The following TXNDC11 variants were observed in gnomAD, a reference collection of about 807,000 sequenced individuals.
TXNDC11 encodes the protein thioredoxin domain containing 11.
In TXNDC11, 68 loss-of-function variants were observed where a neutral mutation model predicts 78.0. That is an observed-to-expected ratio of 0.87 (90% confidence interval 0.72 to 1.07). The LOEUF is 1.07. Among genes scored for constraint, TXNDC11 ranks in the 50% least tolerant of loss-of-function variants. The pLI is 0.00. For missense variants in TXNDC11, 1,389 were observed against 1,221.8 expected (o/e 1.14, Z -2.04); for synonymous variants, 571 against 495.2 (o/e 1.15, Z -2.03).
chr16:11,729,565 T>C (rs980799694), intron 4 of TXNDC11, among the ~76,000 whole-genome samples: 1 of 152,216 alleles, frequency 6.6e-6, no homozygotes, highest in African/African-American at 2.4e-5. Context: ...AAAATTCAAC[T>C]AGCCACAATT....
chr16:11,723,517 G>A (rs556256717), intron 4 of TXNDC11, among the ~76,000 whole-genome samples: 80 of 152,176 alleles, frequency 5.3e-4, no homozygotes, highest in African/African-American at 1.9e-3. Flanking sequence ...CCAGGGAGGT[G>A]GAGGTTGCAG....
chr16:11,703,225 T>C (rs1253986207), intron 5 of TXNDC11, among the ~76,000 whole-genome samples: 2 of 152,136 alleles, frequency 1.3e-5, no homozygotes, highest in African/African-American at 4.8e-5. Flanking sequence ...CCTAAGTAAC[T>C]GGAAAACAGT....
intron 5 of TXNDC11, among the ~76,000 whole-genome samples, chr16:11,716,222 C>G (rs1337204807): frequency 6.6e-6 from 1 of 152,202 alleles, no homozygotes; most frequent in Non-Finnish European, 1.5e-5. Context: ...TTTTGTAGAT[C>G]AGATGAAAAA....
At chr16:11,717,434 GAAA>G (rs58884197) in intron 5 of TXNDC11, among the ~76,000 whole-genome samples, 55 of 62,308 alleles carry the variant, frequency 8.8e-4, no homozygotes, top group African/African-American at 3.2e-3. Flanking sequence ...GACTCCAAAT[GAAA>G]AAAAAAAAAA....
Position 11,679,616 on chromosome 16 carries a change from C to G in TXNDC11, c.2456G>C (p.Arg819Pro). ...CTGGGACTCCACCTGCACTTGTGCT[C>G]GCTGGAGGCTGCTTATTTCTGCTCT... The part of the protein sequence containing the change: ...KLRAEISSLQ[R>P]AQVQVESQLS... The change falls in exon 12 of 12, where the codon CGA becomes CCA. Residue 819 changes from arginine to proline, a missense_variant. Arg to Pro is a moderately radical substitution (Grantham distance 103). Transcript: ENST00000283033. The surrounding 1 kb of genome is among the most constrained non-coding windows in gnomAD (Gnocchi z 4.6). 6.2e-7 allele frequency: 1 copy of G among 1,614,176 alleles called. No individual in the cohort carries two copies. Among genetic ancestry groups the G allele is most frequent in the East Asian group, 2.2e-5 (1 of 44,886 alleles).
intron 2 of TXNDC11, 42 bp downstream of exon 2, chr16:11,735,975 G>A (rs1392760363): frequency 1.3e-6 from 2 of 1,592,888 alleles, no homozygotes; most frequent in Admixed American, 1.7e-5. Flanking sequence ...CTACATATAG[G>A]ACTGACAGTC....
chr16:11,684,150 A>C lies in TXNDC11; in HGVS notation c.2234+15T>G. On this transcript the variant is annotated intron_variant, in intron 11 of 11. Coordinates refer to ENST00000283033, the MANE Select transcript of TXNDC11 (RefSeq NM_015914.7). ...GAATCCCAACTGCCCACCAGTGACA[A>C]AAATTTGGCATTACCTGTTGCAGGG... 1.2e-6 allele frequency: 2 copies of C among 1,607,506 alleles called. No individual in the cohort carries two copies. The highest frequency in any genetic ancestry group is 1.7e-6 in the Non-Finnish European group (2 of 1,174,220).
chr16:11,687,775 C>A, intron 10 of TXNDC11, 82 bp downstream of exon 10: 1 of 943,146 alleles, frequency 1.1e-6, no homozygotes, highest in South Asian at 1.4e-5. Context: ...ATGGGCAGAC[C>A]CTCACACACC....
chr16:11,693,912 C>T (rs2050786150), intron 7 of TXNDC11, among the ~76,000 whole-genome samples: 1 of 152,138 alleles, frequency 6.6e-6, no homozygotes, highest in African/African-American at 2.4e-5. Flanking sequence ...CAAAAACCTC[C>T]ATAAGACTTC....
rs749950694 is a variant in TXNDC11 at position 11,742,849 on chromosome 16, G to A, written c.-119C>T. The stretch of plus-strand genomic sequence containing the variant: ...GCACCCGCTAACCCGGACGCTCCAC[G>A]TCAGCCGCGCCGCCGCCGCGGGGTC... On this transcript the variant is annotated 5_prime_UTR_variant, in exon 1 of 12. The change creates a new upstream start codon in the 5' untranslated region. Coordinates refer to ENST00000283033, the MANE Select transcript of TXNDC11 (RefSeq NM_015914.7). The A allele has an allele frequency of 7.4e-5, 98 of 1,316,154 alleles. No individual in the cohort carries two copies. The highest frequency in any genetic ancestry group is 9.3e-5 in the Non-Finnish European group (96 of 1,034,692). 81.5% of individuals were successfully genotyped at this position (1,316,154 alleles called of 1,614,324 possible). A position where few individuals can be genotyped will look rare whatever the true frequency, so the allele number is the denominator to read the frequency against.
At chr16:11,727,390 T>G (rs531058738) in intron 4 of TXNDC11, among the ~76,000 whole-genome samples, 45 of 152,276 alleles carry the variant, frequency 3.0e-4, no homozygotes, top group African/African-American at 1.1e-3. Flanking sequence ...TTAATTATTT[T>G]GACCCAATTT....
At chr16:11,707,874 G>A (rs563295604) in intron 5 of TXNDC11, among the ~76,000 whole-genome samples, 2 of 152,174 alleles carry the variant, frequency 1.3e-5, no homozygotes, top group African/African-American at 4.8e-5. Flanking sequence ...CTTGAGGCCA[G>A]GAGGTCAAGA....
At chr16:11,724,534 T>C (rs2051816003) in intron 4 of TXNDC11, among the ~76,000 whole-genome samples, 1 of 152,252 alleles carries the variant, frequency 6.6e-6, no homozygotes, top group Middle Eastern at 3.4e-3. Context: ...GGGGCTGAGA[T>C]GGGAGGATCA....
At chr16:11,714,474 C>G (rs1402790440) in intron 5 of TXNDC11, among the ~76,000 whole-genome samples, 2 of 152,128 alleles carry the variant, frequency 1.3e-5, no homozygotes, top group African/African-American at 4.8e-5. Flanking sequence ...CCCGTCTCTA[C>G]TAAAAAATAC....
intron 11 of TXNDC11, among the ~76,000 whole-genome samples, chr16:11,680,226 G>T (rs979892340): frequency 6.6e-6 from 1 of 151,600 alleles, no homozygotes; most frequent in African/African-American, 2.4e-5. Context: ...GGGGAGGCAG[G>T]AGTGTCCCAC....
intron 4 of TXNDC11, among the ~76,000 whole-genome samples, chr16:11,729,452 T>A (rs538147665): frequency 1.0e-5 from 1 of 95,466 alleles, no homozygotes; most frequent in South Asian, 3.1e-4. Context: ...CTGCTAATAG[T>A]TAACACATAT....
At chr16:11,715,889 C>G (rs944943814) in intron 5 of TXNDC11, among the ~76,000 whole-genome samples, 3 of 152,104 alleles carry the variant, frequency 2.0e-5, no homozygotes, top group African/African-American at 7.2e-5. Flanking sequence ...AGGTAAAATA[C>G]TTATCTGAGG....
Position 11,736,118 on chromosome 16 carries a change from C to A in TXNDC11, c.370G>T (p.Asp124Tyr). ...QLDYAEYVRR[D>Y]SEVVLLFFYA... ...AAGAAGAGCAGTACCACCTCTGAAT[C>A]CCGTCGAACGTACTCTGCATAATCC... is the stretch of plus-strand genomic sequence containing the variant. The change falls in exon 2 of 12, where the codon GAT becomes TAT. Residue 124 changes from aspartate to tyrosine, a missense_variant. Coordinates refer to ENST00000283033, the MANE Select transcript of TXNDC11 (RefSeq NM_015914.7). The A allele has an allele frequency of 6.2e-7, 1 of 1,614,208 alleles. No homozygotes were observed. Among genetic ancestry groups the A allele is most frequent in the Non-Finnish European group, 8.5e-7 (1 of 1,180,040 alleles).
intron 2 of TXNDC11, among the ~76,000 whole-genome samples, chr16:11,735,720 T>C (rs750063982): frequency 6.6e-5 from 10 of 152,236 alleles, no homozygotes; most frequent in Non-Finnish European, 1.0e-4. Flanking sequence ...ATGCAAGAAC[T>C]AGGATTTTCA....
Sources: allele counts gnomAD v4.1 joint callset (sites outside exome capture counted in the v4.1 genomes callset), GRCh38; gene constraint gnomAD v4.1.1; non-coding constraint Gnocchi (gnomAD v3.1); transcripts MANE v1.5; gene names NCBI Gene and HGNC (gene_info 2026-07-23, HGNC 2026-07-21).